ADGRV1: variants seen among roughly 807,000 people sequenced by gnomAD.
ADGRV1 encodes the protein G-protein coupled receptor 98.
A neutral mutation model predicts 596.2 loss-of-function variants in ADGRV1; 359 were observed. That is an observed-to-expected ratio of 0.60 (90% CI 0.55 to 0.66). The LOEUF is 0.66. Among genes scored for constraint, ADGRV1 ranks in the 30% least tolerant of loss-of-function variants. The pLI, the probability that ADGRV1 is intolerant of heterozygous loss-of-function variation, is 0.00. For missense variants in ADGRV1, 7,274 were observed against 7,575.6 expected (o/e 0.96, Z 1.48); for synonymous variants, 2,681 against 2,679.2 (o/e 1.00, Z -0.02).
At position 90,652,331 on chromosome 5, in the gene ADGRV1, T is replaced by C. The variant is rs374266153; in HGVS notation, c.3417-15T>C. On this transcript the variant is annotated splice_polypyrimidine_tract_variant and intron_variant, in intron 18 of 89. Coordinates refer to ENST00000405460, the MANE Select transcript of ADGRV1 (RefSeq NM_032119.4). Reference sequence around the variant, plus strand: ...AGATTCACTACTTATAAATTTTCTTTAATTTATTTTGTAGGATTTTGAGGC... The same window carrying C: ...AGATTCACTACTTATAAATTTTCTTCAATTTATTTTGTAGGATTTTGAGGC... 48 of 1,535,600 alleles carry C rather than the reference T, an allele frequency of 3.1e-5. No homozygotes were observed. The highest frequency in any genetic ancestry group is 4.0e-5 in the Non-Finnish European group (45 of 1,136,476).
intron 9 of ADGRV1, among the ~76,000 whole-genome samples, chr5:90,632,051 A>G (rs1345804498): frequency 6.8e-6 from 1 of 146,448 alleles, no homozygotes; most frequent in African/African-American, 2.5e-5. Flanking sequence ...AATTTTTTTG[A>G]CATTAGCACT....
Position 91,050,166 on chromosome 5 carries a change from T to C in ADGRV1, c.18153-22281T>C, listed in dbSNP as rs563691576. Among the ~76,000 whole-genome samples the C allele has an allele frequency of 2.6e-5, 4 of 152,332 alleles. No individual in the cohort carries two copies. The East Asian group carries it at 5.8e-4, about 22-fold the overall frequency. ...CTTTTCCAGTTGGATAAGGTATTCCTTGGGTGGTATCTTGACATTTGAGGA... is the reference window on the plus strand; with the variant it reads ...CTTTTCCAGTTGGATAAGGTATTCCCTGGGTGGTATCTTGACATTTGAGGA... On this transcript the variant is annotated intron_variant, in intron 85 of 89. Coordinates refer to ENST00000405460, the MANE Select transcript of ADGRV1 (RefSeq NM_032119.4).
chr5:91,034,201 C>T (rs890809108), intron 85 of ADGRV1, among the ~76,000 whole-genome samples: 1 of 152,018 alleles, frequency 6.6e-6, no homozygotes, highest in African/African-American at 2.4e-5. Context: ...GGGAGGTTAC[C>T]TAAGCATTTT....
chr5:90,785,166 A>G (rs553928818), intron 67 of ADGRV1, among the ~76,000 whole-genome samples: 1 of 152,328 alleles, frequency 6.6e-6, no homozygotes, highest in East Asian at 1.9e-4. Context: ...AGGATTCCCT[A>G]TTTAATAAAT....
intron 83 of ADGRV1, among the ~76,000 whole-genome samples, chr5:90,945,684 T>C (rs553863690): frequency 6.6e-6 from 1 of 152,254 alleles, no homozygotes; most frequent in East Asian, 1.9e-4. Context: ...GAAGTTATCA[T>C]AAAGAAATAT....
intron 52 of ADGRV1, 58 bp from the exon 53 acceptor site, chr5:90,750,493 A>G: frequency 1.4e-6 from 2 of 1,438,390 alleles, no homozygotes; most frequent in Non-Finnish European, 9.5e-7. Flanking sequence ...AGACAAAAAA[A>G]GAAGTCTGAT....
chr5:90,637,658 C>G, intron 10 of ADGRV1, 67 bp from the exon 11 acceptor site: 1 of 1,158,138 alleles, frequency 8.6e-7, no homozygotes, highest in Non-Finnish European at 1.2e-6. Context: ...AATATCAATA[C>G]CAAAGCTTAT....
rs1748187585 is a variant in ADGRV1, at chr5:90,703,595, G to A, written c.8156-70G>A. 1.7e-5 allele frequency: 20 copies of A among 1,193,278 alleles called. 1 individual carries two copies. The South Asian group carries it at 2.9e-4, about 17-fold the overall frequency. 73.9% of individuals were successfully genotyped at this position (1,193,278 alleles called of 1,614,324 possible). On this transcript the variant is annotated intron_variant, in intron 34 of 89. Transcript: ENST00000405460. The stretch of plus-strand genomic sequence containing the variant: ...TAATAGTTGCATGCTTGGGATTTGG[G>A]TTTTGTTGAGTTCAAATGTGAAGTT...
Position 90,676,164 on chromosome 5 carries a change from C to T in ADGRV1, c.5398C>T (p.Leu1800=), listed in dbSNP as rs1399372690. 2.5e-6 allele frequency: 4 copies of T among 1,607,122 alleles called. No individual in the cohort carries two copies. The highest frequency in any genetic ancestry group is 3.4e-5 in the Admixed American group (2 of 59,188). ...INITDNSIPE[L]EKSFKVELLN... ...CATCACTGATAATTCTATTCCTGAA[C>T]TGGAAAAATCTTTTAAAGTTGAGTT... Residue 1800 remains leucine (L), a synonymous_variant, in exon 25 of 90, where the codon CTG becomes TTG. Transcript: ENST00000405460.
chr5:90,803,185 G>A (rs907550709), intron 71 of ADGRV1, among the ~76,000 whole-genome samples: 1 of 151,632 alleles, frequency 6.6e-6, no homozygotes, highest in African/African-American at 2.4e-5. Flanking sequence ...ACACTTTTTC[G>A]CATACTAACA....
At chr5:91,080,588 C>CA (rs10696264) in intron 86 of ADGRV1, among the ~76,000 whole-genome samples, 42,676 of 83,958 alleles carry the variant, frequency 0.51, 10,264 homozygotes, top group Admixed American at 0.61. Flanking sequence ...GCACACCCTG[C>CA]AAAAAAAAAA....
At chr5:90,679,055 G>A (rs1314272873) in intron 25 of ADGRV1, among the ~76,000 whole-genome samples, 1 of 152,146 alleles carries the variant, frequency 6.6e-6, no homozygotes, top group Non-Finnish European at 1.5e-5. Flanking sequence ...GCCAGAGGGT[G>A]ATCAAGTTTG....
intron 77 of ADGRV1, among the ~76,000 whole-genome samples, 196 bp downstream of exon 77, chr5:90,829,382 G>A (rs184553749): frequency 2.0e-5 from 3 of 152,184 alleles, no homozygotes; most frequent in Admixed American, 6.5e-5. Flanking sequence ...GTTTTAAAAC[G>A]ACAGACTTCT....
At position 90,754,997 on chromosome 5, in the gene ADGRV1, C is replaced by T. The variant is rs1755677509; in HGVS notation, c.11392C>T (p.Leu3798Phe). 1 of 1,612,218 alleles carries T rather than the reference C, an allele frequency of 6.2e-7. No individual in the cohort carries two copies. The highest frequency in any genetic ancestry group is 1.1e-5 in the South Asian group (1 of 90,940). ...VAEPKENTTT[L>F]QLQIARDKGL... ...TTCTCTCACAGAAAACACCACCACTCTTCAGTTACAAATAGCTCGAGATAA... is the reference window on the plus strand; with the variant it reads ...TTCTCTCACAGAAAACACCACCACTTTTCAGTTACAAATAGCTCGAGATAA... The change falls in exon 55 of 90, where the codon CTT (leucine) becomes TTT (phenylalanine). Residue 3798 changes from leucine (L) to phenylalanine (F), a missense_variant. By Grantham distance (22) the Leu-to-Phe change is conservative. Coordinates refer to ENST00000405460, the MANE Select transcript of ADGRV1 (RefSeq NM_032119.4).
chr5:90,755,140 G>A lies in ADGRV1; in HGVS notation c.11535G>A (p.Met3845Ile). The change falls in exon 55 of 90, where the codon ATG becomes ATA. Residue 3845 changes from methionine (M) to isoleucine (I), a missense_variant. Met to Ile is a conservative substitution (Grantham distance 10, BLOSUM62 1). Transcript: ENST00000405460. ...TATTGCAAGAAACAATAATAATAATGAAAGAAAACATAAAAGAAGCTCATG... is the reference window on the plus strand; with the variant it reads ...TATTGCAAGAAACAATAATAATAATAAAAGAAAACATAAAAGAAGCTCATG... ...DYVLQETIII[M>I]KENIKEAHAE... is the part of the protein sequence containing the mutation. 1 of 1,609,858 alleles carries A rather than the reference G, an allele frequency of 6.2e-7. No individual in the cohort carries two copies. The highest frequency in any genetic ancestry group is 8.5e-7 in the Non-Finnish European group (1 of 1,178,590).
intron 84 of ADGRV1, among the ~76,000 whole-genome samples, chr5:90,971,482 A>G (rs879147662): frequency 2.0e-5 from 3 of 152,270 alleles, no homozygotes; most frequent in Non-Finnish European, 4.4e-5. Flanking sequence ...AGGGAAGCCC[A>G]TCAGACTAAC....
chr5:90,781,392 T>A (rs1018650329), intron 64 of ADGRV1, 38 bp from the exon 65 acceptor site: 2 of 1,461,218 alleles, frequency 1.4e-6, no homozygotes, highest in Non-Finnish European at 1.9e-6. Context: ...TTGTTGTTGT[T>A]GTATTTTATT....
rs557579363 is a variant in ADGRV1 at position 90,981,581 on chromosome 5, G to T, written c.17974-3763G>T. On this transcript the variant is annotated intron_variant, in intron 84 of 89. Coordinates refer to ENST00000405460, the MANE Select transcript of ADGRV1 (RefSeq NM_032119.4). ...ATGTTCCCGCTCTGCATGTGCATGG[G>T]TGTGTATGTGTGAGTGCACCCTGTG... is the stretch of plus-strand genomic sequence containing the variant. Among the ~76,000 whole-genome samples the T allele has an allele frequency of 3.9e-5, 6 of 152,264 alleles. No homozygotes were observed. The South Asian group carries it at 1.2e-3, about 32-fold the overall frequency.
At chr5:90,863,679 C>A (rs775189827) in intron 82 of ADGRV1, 78 bp from the exon 83 acceptor site, 47 of 1,049,654 alleles carry the variant, frequency 4.5e-5, no homozygotes, top group Non-Finnish European at 6.7e-5. Flanking sequence ...GCCTAGCTGC[C>A]CCCAAAGATT....
Sources: gnomAD v4.1 joint callset for allele counts (sites outside exome capture counted in the v4.1 genomes callset) on GRCh38, gnomAD v4.1.1 for gene constraint, MANE v1.5 for transcripts, NCBI Gene and HGNC (gene_info 2026-07-23, HGNC 2026-07-21) for gene names.